NEGR1: variants seen among roughly 807,000 people sequenced by gnomAD.
NEGR1 encodes neuronal growth regulator 1, also known as IgLON family member 4.
Under a neutral mutation model 40.9 loss-of-function variants are expected in NEGR1, and 10 were observed. That is an observed-to-expected ratio of 0.24 (90% CI 0.15 to 0.42). The LOEUF is 0.42. Ranked by LOEUF, NEGR1 falls within the 10% of genes least tolerant of loss-of-function variation. NEGR1 has a pLI of 1.00. For missense variants in NEGR1, 352 were observed against 438.9 expected (o/e 0.80, Z 1.77); for synonymous variants, 185 against 166.8 (o/e 1.11, Z -0.84).
chr1:71,601,793 A>G (rs529549496), intron 5 of NEGR1, among the ~76,000 whole-genome samples: 11 of 152,206 alleles, frequency 7.2e-5, no homozygotes, highest in African/African-American at 1.4e-4. Flanking sequence ...ATAGACACTG[A>G]GGATTCCAAA....
chr1:71,838,694 T>C (rs1659127389), intron 2 of NEGR1, among the ~76,000 whole-genome samples: 1 of 152,084 alleles, frequency 6.6e-6, no homozygotes, highest in Admixed American at 6.6e-5. Flanking sequence ...TGATATGCAG[T>C]TGGTTGTTAA....
intron 1 of NEGR1, among the ~76,000 whole-genome samples, chr1:72,095,898 C>T (rs1021213215): frequency 6.6e-6 from 1 of 152,128 alleles, no homozygotes; most frequent in African/African-American, 2.4e-5. Flanking sequence ...ATTTTCCTTT[C>T]TCTTTTCCTT....
intron 6 of NEGR1, among the ~76,000 whole-genome samples, chr1:71,579,491 C>T (rs927898482): frequency 4.6e-5 from 7 of 152,022 alleles, no homozygotes; most frequent in African/African-American, 1.5e-4. Flanking sequence ...CCCAAGCATG[C>T]AGTCTACAAA....
chr1:72,041,593 G>A (rs763326017), intron 1 of NEGR1, among the ~76,000 whole-genome samples: 5 of 150,814 alleles, frequency 3.3e-5, no homozygotes, highest in Admixed American at 6.6e-5. Flanking sequence ...GTACTTTCAA[G>A]AGAACAGTCA....
intron 6 of NEGR1, among the ~76,000 whole-genome samples, chr1:71,578,437 G>A (rs1480647730): frequency 6.6e-6 from 1 of 152,018 alleles, no homozygotes; most frequent in African/African-American, 2.4e-5. Context: ...TTTATGGGGT[G>A]ATTTCCAGGT....
At chr1:71,792,890 G>A (rs1425863175) in intron 2 of NEGR1, among the ~76,000 whole-genome samples, 1 of 151,940 alleles carries the variant, frequency 6.6e-6, no homozygotes, top group Non-Finnish European at 1.5e-5. Flanking sequence ...TTCTTTCTAG[G>A]TGTTGCAAGG....
intron 1 of NEGR1, among the ~76,000 whole-genome samples, chr1:71,998,284 C>T (rs1318445580): frequency 1.3e-5 from 2 of 151,816 alleles, no homozygotes; most frequent in Non-Finnish European, 2.9e-5. Context: ...GCATATAGCT[C>T]AATAATTAAT....
intron 2 of NEGR1, among the ~76,000 whole-genome samples, chr1:71,802,362 T>C (rs1657593508): frequency 6.6e-6 from 1 of 152,190 alleles, no homozygotes. Context: ...ATCAGCTATG[T>C]CTCCAGTGGC....
intron 6 of NEGR1, among the ~76,000 whole-genome samples, chr1:71,559,479 C>T (rs970480966): frequency 1.3e-5 from 2 of 151,408 alleles, no homozygotes; most frequent in Non-Finnish European, 3.0e-5. Flanking sequence ...CTCAAATATC[C>T]TGTTTAATTT....
chr1:71,422,295 T>G (rs1482033941), intron 6 of NEGR1, among the ~76,000 whole-genome samples: 1 of 152,238 alleles, frequency 6.6e-6, no homozygotes, highest in Non-Finnish European at 1.5e-5. Flanking sequence ...GGCTGCACTA[T>G]GCATAATGTC....
At chr1:72,065,313 T>C (rs1647246587) in intron 1 of NEGR1, among the ~76,000 whole-genome samples, 1 of 152,082 alleles carries the variant, frequency 6.6e-6, no homozygotes, top group South Asian at 2.1e-4. Context: ...TATGTATTCT[T>C]AGAAATCCTT....
chr1:72,151,384 A>AT (rs1651118705), intron 1 of NEGR1, among the ~76,000 whole-genome samples: 1 of 151,460 alleles, frequency 6.6e-6, no homozygotes, highest in Admixed American at 6.6e-5. Context: ...TTTGTTTTTG[A>AT]TTTTTTAAAG....
At chr1:71,826,824 G>T (rs1658643008) in intron 2 of NEGR1, among the ~76,000 whole-genome samples, 1 of 151,878 alleles carries the variant, frequency 6.6e-6, no homozygotes, top group African/African-American at 2.4e-5. Flanking sequence ...AAAATGAAAT[G>T]ACTCCTTTTA....
intron 4 of NEGR1, among the ~76,000 whole-genome samples, chr1:71,664,883 A>G (rs955988343): frequency 6.6e-6 from 1 of 152,196 alleles, no homozygotes; most frequent in African/African-American, 2.4e-5. Flanking sequence ...ATCTAGAGAA[A>G]TGTAAGTTTC....
intron 2 of NEGR1, among the ~76,000 whole-genome samples, chr1:71,878,323 C>G (rs1435867310): frequency 6.6e-6 from 1 of 152,092 alleles, no homozygotes; most frequent in Non-Finnish European, 1.5e-5. Flanking sequence ...GATTCTTACA[C>G]TTTGGCATTA....
chr1:71,645,683 C>T (rs887821560), intron 4 of NEGR1, among the ~76,000 whole-genome samples: 2 of 151,742 alleles, frequency 1.3e-5, no homozygotes, highest in African/African-American at 4.8e-5. Flanking sequence ...ATGACTAAGT[C>T]TGAAGTTTCT....
At chr1:71,726,885 G>A (rs543429257) in intron 3 of NEGR1, among the ~76,000 whole-genome samples, 2 of 151,968 alleles carry the variant, frequency 1.3e-5, no homozygotes, top group Admixed American at 6.6e-5. Context: ...AAAATGCTAC[G>A]CATGTAAAAA....
At chr1:71,473,540 T>C (rs1646797134) in intron 6 of NEGR1, among the ~76,000 whole-genome samples, 1 of 152,116 alleles carries the variant, frequency 6.6e-6, no homozygotes, top group African/African-American at 2.4e-5. Flanking sequence ...TGAATGACCC[T>C]CGGTGTACTT....
At chr1:71,941,867 C>A (rs1645962414) in intron 1 of NEGR1, among the ~76,000 whole-genome samples, 1 of 151,836 alleles carries the variant, frequency 6.6e-6, no homozygotes, top group African/African-American at 2.4e-5. Context: ...TCATTATACC[C>A]ATTTTACAAT....
Sources: gnomAD v4.1 joint callset for allele counts (sites outside exome capture counted in the v4.1 genomes callset) on GRCh38, gnomAD v4.1.1 for gene constraint, MANE v1.5 for transcripts, NCBI Gene and HGNC (gene_info 2026-07-23, HGNC 2026-07-21) for gene names.